NRG1: variants seen among roughly 807,000 people sequenced by gnomAD.
NRG1 encodes pro-neuregulin-1, membrane-bound isoform.
NRG1 carries 18 observed loss-of-function variants against 63.8 expected under a neutral mutation model. That is an observed-to-expected ratio of 0.28 (90% CI 0.19 to 0.42). The LOEUF is 0.42. Among genes scored for constraint, NRG1 ranks in the 10% least tolerant of loss-of-function variants. The pLI is 1.00. For synonymous variants in NRG1, 302 were observed against 301.3 expected, an observed-to-expected ratio of 1.00 and a Z score of -0.02; for missense variants, 762 against 814.7, an observed-to-expected ratio of 0.94 and a Z score of 0.79.
At chr8:31,893,973 A>G (rs1287397881) in intron 1 of NRG1, among the ~76,000 whole-genome samples, 2 of 152,152 alleles carry the variant, frequency 1.3e-5, no homozygotes, top group East Asian at 1.9e-4. Context: ...TTGTTATTCT[A>G]TAAAATGCAG....
Position 32,725,834 on chromosome 8 carries a change from A to G in NRG1, c.503-2115A>G, listed in dbSNP as rs189262326. On this transcript the variant is annotated intron_variant, in intron 5 of 11. Transcript: ENST00000356819. Reference sequence around the variant, plus strand: ...TGAAAATATTAATACATAGCACCTAAATAAGTAGTTTTTTACATGAAAGGA... The same window carrying G: ...TGAAAATATTAATACATAGCACCTAGATAAGTAGTTTTTTACATGAAAGGA... Among the ~76,000 whole-genome samples the G allele has an allele frequency of 8.2e-3, 1,242 of 152,096 alleles. 10 individuals carry two copies. The highest frequency in any genetic ancestry group is 0.013 in the Non-Finnish European group (871 of 68,008).
In NRG1 at chr8:32,130,050, GT is replaced by G. The variant is rs1472376088; in HGVS notation, c.38-465773del. 3.3e-5 allele frequency among the ~76,000 whole-genome samples: 5 copies of G among 152,012 alleles called. No homozygotes were observed. In the East Asian group the frequency reaches 9.7e-4, roughly 30 times the overall value. On this transcript the variant is annotated intron_variant, in intron 1 of 10. Coordinates refer to the NRG1 transcript ENST00000519301. ...TGTAAGAACTCTGAGGTTAGTAGTA[GT>G]TTTTAGTTGCCATTGAAAGACGGCA...
At chr8:32,473,926 C>T (rs1159221327) in intron 1 of NRG1, among the ~76,000 whole-genome samples, 1 of 152,076 alleles carries the variant, frequency 6.6e-6, no homozygotes, top group Non-Finnish European at 1.5e-5. Context: ...CTCAAGCAAT[C>T]CTCCCACCTC....
At chr8:32,086,374 G>A (rs111717340) in intron 1 of NRG1, among the ~76,000 whole-genome samples, 1,683 of 152,308 alleles carry the variant, frequency 0.011, 34 homozygotes, top group African/African-American at 0.038. Context: ...CATTTAGATA[G>A]ACTATTTAGT....
chr8:32,732,196 T>C (rs552005827), intron 6 of NRG1, among the ~76,000 whole-genome samples: 10 of 152,330 alleles, frequency 6.6e-5, no homozygotes, highest in African/African-American at 2.4e-4. Context: ...AAATTTATTC[T>C]GTGGAAAAAA....
chr8:31,750,356 C>T (rs1368511880), intron 1 of NRG1, among the ~76,000 whole-genome samples: 1 of 151,812 alleles, frequency 6.6e-6, no homozygotes, highest in Non-Finnish European at 1.5e-5. Context: ...TCACAGGGTC[C>T]ACATATGCAT....
chr8:32,360,605 T>C (rs1413144787), intron 1 of NRG1, among the ~76,000 whole-genome samples: 1 of 152,200 alleles, frequency 6.6e-6, no homozygotes. Context: ...TACAGAAATA[T>C]TCAGTTTTGT....
At chr8:31,941,271 A>G (rs1801707457) in intron 1 of NRG1, among the ~76,000 whole-genome samples, 1 of 152,168 alleles carries the variant, frequency 6.6e-6, no homozygotes, top group African/African-American at 2.4e-5. Flanking sequence ...GTGATACACC[A>G]CTTAAACAGA....
At chr8:32,516,168 T>C (rs1477635943) in intron 1 of NRG1, among the ~76,000 whole-genome samples, 1 of 152,214 alleles carries the variant, frequency 6.6e-6, no homozygotes, top group Non-Finnish European at 1.5e-5. Flanking sequence ...AAGGAGTCAT[T>C]TCCCCATTGC....
At chr8:32,577,860 A>G (rs1042261061) in intron 1 of NRG1, among the ~76,000 whole-genome samples, 7 of 152,068 alleles carry the variant, frequency 4.6e-5, no homozygotes, top group African/African-American at 1.7e-4. Flanking sequence ...TTGTAACTTC[A>G]TCTGTGCCAT....
At chr8:32,693,791 A>G (rs538281816) in intron 5 of NRG1, among the ~76,000 whole-genome samples, 13 of 152,268 alleles carry the variant, frequency 8.5e-5, no homozygotes, top group Admixed American at 6.5e-4. Flanking sequence ...TTTGCGAACC[A>G]TTGTGAAATA....
intron 1 of NRG1, among the ~76,000 whole-genome samples, chr8:32,365,500 GTTCT>G (rs1459133396): frequency 6.6e-6 from 1 of 151,758 alleles, no homozygotes; most frequent in Non-Finnish European, 1.5e-5. Context: ...ACTTTTATGG[GTTCT>G]TTTTTTATTT....
chr8:32,645,400 C>T (rs1325587040), intron 5 of NRG1, among the ~76,000 whole-genome samples: 1 of 152,200 alleles, frequency 6.6e-6, no homozygotes, highest in Non-Finnish European at 1.5e-5. Context: ...GTCATGGTTA[C>T]ATTTATGCAA....
intron 1 of NRG1, among the ~76,000 whole-genome samples, chr8:32,391,299 G>GT (rs1345913560): frequency 2.0e-5 from 3 of 151,908 alleles, no homozygotes; most frequent in Non-Finnish European, 2.9e-5. Flanking sequence ...CTCAGGTAGG[G>GT]TTTTTTAAAT....
intron 1 of NRG1, among the ~76,000 whole-genome samples, chr8:32,172,960 G>A (rs183584394): frequency 0.02 from 3,104 of 152,118 alleles, 102 homozygotes; most frequent in African/African-American, 0.071. Flanking sequence ...GCAAGGCAGG[G>A]AACATTCAAA....
chr8:32,487,050 T>C (rs546734144), intron 1 of NRG1, among the ~76,000 whole-genome samples: 76 of 152,176 alleles, frequency 5.0e-4, no homozygotes, highest in African/African-American at 1.8e-3. Flanking sequence ...AAATAAATCA[T>C]ATTTTTTTAA....
Position 31,720,545 on chromosome 8 carries a change from G to A in NRG1, c.37+81114G>A, listed in dbSNP as rs146189325. On this transcript the variant is annotated intron_variant, in intron 1 of 10. Coordinates refer to the NRG1 transcript ENST00000519301. Reference sequence around the variant, plus strand: ...TGTTGTTCCCACCACGTGTCCATGTGTTCTCATCATTCATCTCCCACTTAT... The same window carrying A: ...TGTTGTTCCCACCACGTGTCCATGTATTCTCATCATTCATCTCCCACTTAT... Among the ~76,000 whole-genome samples the A allele has an allele frequency of 4.2e-3, 634 of 152,152 alleles. 6 individuals carry two copies. Among genetic ancestry groups the A allele is most frequent in the Admixed American group, 0.019 (290 of 15,292 alleles).
At chr8:32,626,054 A>T (rs905479266) in intron 5 of NRG1, among the ~76,000 whole-genome samples, 2 of 151,890 alleles carry the variant, frequency 1.3e-5, no homozygotes, top group African/African-American at 4.8e-5. Flanking sequence ...TTGGCCTCCC[A>T]AAGTGCTGGG....
At chr8:31,721,470 A>G (rs1269199887) in intron 1 of NRG1, among the ~76,000 whole-genome samples, 3 of 152,158 alleles carry the variant, frequency 2.0e-5, no homozygotes, top group Non-Finnish European at 4.4e-5. Context: ...GAATATTTTT[A>G]AAACTTACCT....
Sources: gnomAD v4.1 joint callset for allele counts (sites outside exome capture counted in the v4.1 genomes callset) on GRCh38, gnomAD v4.1.1 for gene constraint, MANE v1.5 for transcripts, NCBI Gene and HGNC (gene_info 2026-07-23, HGNC 2026-07-21) for gene names.